CNTNAP5: variants seen among roughly 807,000 people sequenced by gnomAD.
CNTNAP5 encodes the protein contactin-associated protein-like 5.
In CNTNAP5, 72 loss-of-function variants were observed where a neutral mutation model predicts 150.2. The observed-to-expected ratio is 0.48, with a 90% CI of 0.40 to 0.58. The LOEUF is 0.58. Ranked by LOEUF, CNTNAP5 falls within the 20% of genes least tolerant of loss-of-function variation. CNTNAP5 has a pLI of 0.00. For missense variants in CNTNAP5, 1,636 were observed against 1,626.2 expected (o/e 1.01, Z -0.10); for synonymous variants, 672 against 619.8 (o/e 1.08, Z -1.25).
intron 1 of CNTNAP5, among the ~76,000 whole-genome samples, chr2:124,055,663 C>A (rs1230142560): frequency 2.0e-5 from 3 of 152,084 alleles, no homozygotes; most frequent in Non-Finnish European, 4.4e-5. Context: ...CTGACCTGGA[C>A]CTCATAAGTT....
At chr2:124,623,967 G>C (rs1677668755) in intron 12 of CNTNAP5, among the ~76,000 whole-genome samples, 1 of 152,210 alleles carries the variant, frequency 6.6e-6, no homozygotes, top group South Asian at 2.1e-4. Flanking sequence ...ACAGCTTAGA[G>C]GTGGGAATTT....
At chr2:124,297,250 C>G (rs1688456289) in intron 3 of CNTNAP5, among the ~76,000 whole-genome samples, 2 of 152,176 alleles carry the variant, frequency 1.3e-5, no homozygotes, top group South Asian at 4.1e-4. Context: ...AACTACTGGT[C>G]AATATGCCTG....
intron 11 of CNTNAP5, among the ~76,000 whole-genome samples, chr2:124,599,798 A>G (rs2104971679): frequency 6.6e-6 from 1 of 152,292 alleles, no homozygotes; most frequent in East Asian, 1.9e-4. Flanking sequence ...ATGCAATGGC[A>G]AAAATGTGGC....
At chr2:124,644,743 T>C (rs924803) in intron 12 of CNTNAP5, among the ~76,000 whole-genome samples, 62,571 of 152,004 alleles carry the variant, frequency 0.41, 15,071 homozygotes, top group Non-Finnish European at 0.55. Flanking sequence ...TTTATCCTGC[T>C]GTCTCCCAGG....
intron 19 of CNTNAP5, among the ~76,000 whole-genome samples, chr2:124,831,233 C>T (rs1004764886): frequency 2.0e-4 from 30 of 151,972 alleles, no homozygotes; most frequent in African/African-American, 6.5e-4. Flanking sequence ...CTTGCACTTT[C>T]TGGTTTGTCC....
intron 14 of CNTNAP5, among the ~76,000 whole-genome samples, chr2:124,751,235 C>A (rs1007250942): frequency 6.6e-6 from 1 of 151,288 alleles, no homozygotes; most frequent in East Asian, 2.0e-4. Flanking sequence ...GTAGGGGGAA[C>A]ATCTGTGTGC....
At chr2:124,653,012 A>G (rs1678354782) in intron 13 of CNTNAP5, among the ~76,000 whole-genome samples, 1 of 152,202 alleles carries the variant, frequency 6.6e-6, no homozygotes. Context: ...AACAGAAAGC[A>G]TTTGCGGAGC....
chr2:124,338,882 A>G (rs532687021), intron 3 of CNTNAP5, among the ~76,000 whole-genome samples: 16 of 152,260 alleles, frequency 1.1e-4, no homozygotes, highest in African/African-American at 3.4e-4. Context: ...TGCTCATTTG[A>G]AAATAAACAT....
intron 2 of CNTNAP5, among the ~76,000 whole-genome samples, chr2:124,227,877 G>A (rs932783166): frequency 4.0e-5 from 6 of 151,254 alleles, no homozygotes; most frequent in African/African-American, 1.2e-4. Context: ...CAGAACCAAC[G>A]GGATATATAT....
intron 1 of CNTNAP5, among the ~76,000 whole-genome samples, chr2:124,215,111 C>T (rs1686120633): frequency 6.6e-6 from 1 of 151,536 alleles, no homozygotes; most frequent in South Asian, 2.1e-4. Context: ...GTCTAAGCAC[C>T]GTTGTAGGCA....
rs112445770 is a variant in CNTNAP5, at chr2:124,461,119, C to A, written c.919-13620C>A. 2.6e-3 allele frequency among the ~76,000 whole-genome samples: 397 copies of A among 152,062 alleles called. 2 individuals carry two copies. The highest frequency in any genetic ancestry group is 9.2e-3 in the African/African-American group (380 of 41,522). ...TCAACCATTGTGGAAGTCAGTGTGG[C>A]GATTCCTCAGGGATCTAGAACTAGA... On this transcript the variant is annotated intron_variant, in intron 6 of 23. Coordinates refer to ENST00000682447, the MANE Select transcript of CNTNAP5 (RefSeq NM_001367498.1).
At chr2:124,410,215 C>T (rs1691712706) in intron 3 of CNTNAP5, among the ~76,000 whole-genome samples, 1 of 148,430 alleles carries the variant, frequency 6.7e-6, no homozygotes, top group South Asian at 2.2e-4. Context: ...ACAGGAGCAC[C>T]CAGATTCATA....
intron 13 of CNTNAP5, among the ~76,000 whole-genome samples, chr2:124,669,586 T>A (rs892420863): frequency 3.3e-5 from 5 of 152,224 alleles, no homozygotes; most frequent in African/African-American, 1.2e-4. Flanking sequence ...CCAGCCAAGA[T>A]TCCTTTTCTG....
chr2:124,076,476 C>T lies in CNTNAP5; in HGVS notation c.82+50744C>T, dbSNP rs540137676. On this transcript the variant is annotated intron_variant, in intron 1 of 23. Transcript: ENST00000682447. ...AGCTTTTTCTTGTATCCTTCAACTCCCTGATTATGGCAATTTGGTTGACAC... is the reference window on the plus strand; with the variant it reads ...AGCTTTTTCTTGTATCCTTCAACTCTCTGATTATGGCAATTTGGTTGACAC... 3.3e-5 allele frequency among the ~76,000 whole-genome samples: 5 copies of T among 152,174 alleles called. No individual in the cohort carries two copies. The East Asian group carries it at 5.8e-4, about 18-fold the overall frequency.
intron 1 of CNTNAP5, among the ~76,000 whole-genome samples, chr2:124,078,079 C>A (rs1474679049): frequency 6.6e-6 from 1 of 152,042 alleles, no homozygotes; most frequent in Non-Finnish European, 1.5e-5. Flanking sequence ...AGAGACAAAA[C>A]CCAGAAGAAA....
chr2:124,139,245 TCC>T (rs1209420118), intron 1 of CNTNAP5, among the ~76,000 whole-genome samples: 1 of 139,628 alleles, frequency 7.2e-6, no homozygotes, highest in Non-Finnish European at 1.5e-5. Context: ...TAATATAAAA[TCC>T]TCTTATTTCT....
At chr2:124,672,971 C>A (rs1206476289) in intron 13 of CNTNAP5, among the ~76,000 whole-genome samples, 1 of 151,908 alleles carries the variant, frequency 6.6e-6, no homozygotes, top group Non-Finnish European at 1.5e-5. Flanking sequence ...CAGAATGCAT[C>A]ACAGAGCAAA....
intron 17 of CNTNAP5, among the ~76,000 whole-genome samples, chr2:124,787,641 C>T (rs1681627429): frequency 6.6e-6 from 1 of 151,948 alleles, no homozygotes; most frequent in Non-Finnish European, 1.5e-5. Context: ...CTCTCCCCTG[C>T]CCCATGTCCC....
chr2:124,046,539 T>A (rs1436608684), intron 1 of CNTNAP5, among the ~76,000 whole-genome samples: 2 of 151,954 alleles, frequency 1.3e-5, no homozygotes, highest in Non-Finnish European at 1.5e-5. Flanking sequence ...CACTGAAGCT[T>A]AATCATTTTC....
Sources: gnomAD v4.1 joint callset for allele counts (sites outside exome capture counted in the v4.1 genomes callset) on GRCh38, gnomAD v4.1.1 for gene constraint, MANE v1.5 for transcripts, NCBI Gene and HGNC (gene_info 2026-07-23, HGNC 2026-07-21) for gene names.